The following DPYD variants were observed in gnomAD, a reference collection of about 807,000 sequenced individuals.
DPYD encodes the protein dihydropyrimidine dehydrogenase [NADP(+)].
Under a neutral mutation model 116.2 loss-of-function variants are expected in DPYD, and 109 were observed. The ratio of observed to expected loss-of-function variants is 0.94; its 90% CI spans 0.80 to 1.10. The LOEUF (loss-of-function observed/expected upper bound fraction) is 1.10, where lower values mean the gene tolerates loss of function less well. Ranked by LOEUF, DPYD falls within the 50% of genes least tolerant of loss-of-function variation. The pLI is 0.00. For synonymous variants in DPYD, 440 were observed against 432.0 expected, an observed-to-expected ratio of 1.02 and a Z score of -0.23; for missense variants, 1,302 against 1,254.5, an observed-to-expected ratio of 1.04 and a Z score of -0.57.
intron 13 of DPYD, among the ~76,000 whole-genome samples, chr1:97,509,851 G>C (rs543134525): frequency 3.9e-5 from 6 of 151,920 alleles, no homozygotes; most frequent in Admixed American, 3.3e-4. Context: ...ACAACAGCAA[G>C]GCATATCCAA....
intron 19 of DPYD, 78 bp downstream of exon 19, chr1:97,234,774 T>C: frequency 8.3e-7 from 1 of 1,210,884 alleles, no homozygotes; most frequent in Admixed American, 2.1e-5. Context: ...AACGAATCTA[T>C]TTTTTTTTTG....
intron 5 of DPYD, among the ~76,000 whole-genome samples, chr1:97,713,024 T>C (rs1662381683): frequency 6.6e-6 from 1 of 152,026 alleles, no homozygotes; most frequent in Non-Finnish European, 1.5e-5. Flanking sequence ...GCCCAAAAGG[T>C]ATTTATATTT....
chr1:97,819,743 C>G (rs745963228), intron 3 of DPYD, among the ~76,000 whole-genome samples: 4 of 152,058 alleles, frequency 2.6e-5, no homozygotes, highest in Non-Finnish European at 5.9e-5. Flanking sequence ...CCATTTTTAA[C>G]TATTTTAAAA....
At chr1:97,799,718 T>C (rs928928828) in intron 3 of DPYD, among the ~76,000 whole-genome samples, 1 of 131,270 alleles carries the variant, frequency 7.6e-6, no homozygotes, top group Non-Finnish European at 1.6e-5. Context: ...TTATCAAAAC[T>C]TTTTTTTGTC....
intron 11 of DPYD, among the ~76,000 whole-genome samples, chr1:97,561,974 T>G (rs1478445906): frequency 1.3e-5 from 2 of 152,204 alleles, no homozygotes; most frequent in Non-Finnish European, 2.9e-5. Flanking sequence ...ACTTTCTACC[T>G]AAAGGTAACT....
At chr1:97,581,763 A>G (rs1253831791) in intron 10 of DPYD, among the ~76,000 whole-genome samples, 1 of 151,334 alleles carries the variant, frequency 6.6e-6, no homozygotes, top group East Asian at 1.9e-4. Flanking sequence ...AAAAAAAAAA[A>G]AAAAGAAAGG....
At chr1:97,602,482 G>T (rs937906626) in intron 8 of DPYD, among the ~76,000 whole-genome samples, 4 of 151,896 alleles carry the variant, frequency 2.6e-5, no homozygotes, top group Non-Finnish European at 5.9e-5. Context: ...AATTTGAGTG[G>T]TTGAAATTCT....
At chr1:97,575,389 T>C (rs1653199493) in intron 10 of DPYD, among the ~76,000 whole-genome samples, 1 of 152,128 alleles carries the variant, frequency 6.6e-6, no homozygotes, top group Non-Finnish European at 1.5e-5. Context: ...ATATCTATGG[T>C]ATTAAAATCA....
At chr1:97,594,537 A>G (rs1654745493) in intron 9 of DPYD, among the ~76,000 whole-genome samples, 1 of 152,204 alleles carries the variant, frequency 6.6e-6, no homozygotes, top group Admixed American at 6.5e-5. Context: ...TTTGGATAAA[A>G]TATTACAATT....
intron 3 of DPYD, among the ~76,000 whole-genome samples, chr1:97,781,291 C>A (rs1478509182): frequency 2.0e-5 from 3 of 152,082 alleles, no homozygotes; most frequent in African/African-American, 4.8e-5. Flanking sequence ...CAAAAATTAC[C>A]TATGATTTTA....
chr1:97,664,120 A>G (rs1182265209), intron 8 of DPYD, among the ~76,000 whole-genome samples: 1 of 152,196 alleles, frequency 6.6e-6, no homozygotes, highest in Non-Finnish European at 1.5e-5. Flanking sequence ...ATGAAGTTAT[A>G]TAAGCATTAA....
At chr1:97,726,660 C>T (rs546326396) in intron 4 of DPYD, among the ~76,000 whole-genome samples, 1 of 150,612 alleles carries the variant, frequency 6.6e-6, no homozygotes, top group Admixed American at 6.6e-5. Context: ...CAGTATCATG[C>T]AAAAAAATGT....
intron 8 of DPYD, among the ~76,000 whole-genome samples, chr1:97,611,463 GA>G (rs1354827385): frequency 6.6e-6 from 1 of 151,950 alleles, no homozygotes; most frequent in African/African-American, 2.4e-5. Flanking sequence ...TCTATAGAGA[GA>G]AAAAATAAAA....
intron 5 of DPYD, among the ~76,000 whole-genome samples, chr1:97,711,553 G>T: frequency 6.6e-6 from 1 of 151,872 alleles, no homozygotes; most frequent in East Asian, 1.9e-4. Context: ...ATAAGTCACT[G>T]TTTTTTAGTA....
chr1:97,139,820 A>C (rs1654081238), intron 20 of DPYD, among the ~76,000 whole-genome samples: 1 of 152,106 alleles, frequency 6.6e-6, no homozygotes, highest in South Asian at 2.1e-4. Context: ...TAGGTCTGGG[A>C]TCTTTCCCTG....
chr1:97,554,415 T>C (rs1315607165), intron 11 of DPYD, among the ~76,000 whole-genome samples: 2 of 152,154 alleles, frequency 1.3e-5, no homozygotes, highest in African/African-American at 4.8e-5. Flanking sequence ...TGATGTGTTA[T>C]AAAACAATGG....
At chr1:97,501,101 C>T (rs1045516774) in intron 13 of DPYD, among the ~76,000 whole-genome samples, 2 of 151,880 alleles carry the variant, frequency 1.3e-5, no homozygotes, top group African/African-American at 4.8e-5. Flanking sequence ...ACTCTGAAAC[C>T]CTGTACGACA....
At chr1:97,586,501 T>C (rs1485762208) in intron 10 of DPYD, among the ~76,000 whole-genome samples, 5 of 121,528 alleles carry the variant, frequency 4.1e-5, no homozygotes, top group Non-Finnish European at 8.4e-5. Flanking sequence ...TATATATATA[T>C]ATATATATAT....
chr1:97,840,740 G>A (rs1669997452), intron 2 of DPYD, among the ~76,000 whole-genome samples: 1 of 152,114 alleles, frequency 6.6e-6, no homozygotes, highest in Middle Eastern at 3.4e-3. Flanking sequence ...TCTAGGCCTG[G>A]CCACTTTCCA....
Sources: allele counts gnomAD v4.1 joint callset (sites outside exome capture counted in the v4.1 genomes callset), GRCh38; gene constraint gnomAD v4.1.1; transcripts MANE v1.5; gene names NCBI Gene and HGNC (gene_info 2026-07-23, HGNC 2026-07-21).